REC114: variants seen among roughly 807,000 people sequenced by gnomAD.
REC114 encodes the protein meiotic recombination protein REC114.
A neutral mutation model predicts 31.3 loss-of-function variants in REC114; 27 were observed. The ratio of observed to expected loss-of-function variants is 0.86; its 90% CI spans 0.64 to 1.19. REC114 has a LOEUF of 1.19. REC114 is among the 50% of genes most tolerant of loss of function. REC114 has a pLI of 0.00. For synonymous variants in REC114, 134 were observed against 127.7 expected (o/e 1.05, Z -0.33); for missense variants, 344 against 326.9 (o/e 1.05, Z -0.40).
intron 2 of REC114, among the ~76,000 whole-genome samples, chr15:73,498,218 T>C (rs529661429): frequency 6.6e-6 from 1 of 152,178 alleles, no homozygotes; most frequent in Non-Finnish European, 1.5e-5. Flanking sequence ...CAATACTGTG[T>C]ACAGAAGTCC....
intron 1 of REC114, among the ~76,000 whole-genome samples, chr15:73,463,797 G>T (rs1253370766): frequency 6.6e-6 from 1 of 151,870 alleles, no homozygotes; most frequent in Non-Finnish European, 1.5e-5. Flanking sequence ...CTCCAGCCTG[G>T]GTGACAGGAA....
At chr15:73,541,774 A>G (rs935236197) in intron 3 of REC114, among the ~76,000 whole-genome samples, 2 of 49,688 alleles carry the variant, frequency 4.0e-5, no homozygotes, top group African/African-American at 1.3e-4. Flanking sequence ...GAATGTATAG[A>G]TCTCTGAAAA....
intron 1 of REC114, among the ~76,000 whole-genome samples, chr15:73,451,694 A>G (rs1326643888): frequency 6.6e-6 from 1 of 152,198 alleles, no homozygotes; most frequent in African/African-American, 2.4e-5. Flanking sequence ...CGAAAATTTC[A>G]GGCCAATATC....
intron 1 of REC114, among the ~76,000 whole-genome samples, chr15:73,469,806 T>C (rs1357255934): frequency 1.3e-5 from 2 of 149,126 alleles, no homozygotes; most frequent in Middle Eastern, 3.4e-3. Context: ...TGCCTCAGCC[T>C]CCCGAGTAGC....
chr15:73,515,046 C>T (rs754636834), intron 2 of REC114, among the ~76,000 whole-genome samples: 3 of 151,340 alleles, frequency 2.0e-5, no homozygotes, highest in Non-Finnish European at 2.9e-5. Context: ...CTCAAGTGAT[C>T]CTCCTGCCTC....
chr15:73,543,107 CA>C (rs1470500112), intron 3 of REC114, among the ~76,000 whole-genome samples: 1 of 152,096 alleles, frequency 6.6e-6, no homozygotes, highest in Non-Finnish European at 1.5e-5. Flanking sequence ...CAGAAATAAG[CA>C]TATTCCTTTA....
chr15:73,532,210 C>G (rs532665929), intron 2 of REC114, among the ~76,000 whole-genome samples: 241 of 151,450 alleles, frequency 1.6e-3, no homozygotes, highest in Non-Finnish European at 2.6e-3. Context: ...GTTCAGTTCC[C>G]ACCTATGAGT....
At chr15:73,472,203 A>G (rs748875192) in intron 1 of REC114, among the ~76,000 whole-genome samples, 1 of 152,368 alleles carries the variant, frequency 6.6e-6, no homozygotes, top group East Asian at 1.9e-4. Flanking sequence ...TGAAAGCTGT[A>G]CTTGACTCCT....
intron 2 of REC114, among the ~76,000 whole-genome samples, chr15:73,504,049 C>T (rs560605844): frequency 6.9e-5 from 9 of 130,662 alleles, no homozygotes; most frequent in African/African-American, 2.0e-4. Context: ...CTCTGTCACC[C>T]AGGCTGGAGC....
At chr15:73,510,451 T>C (rs1287215327) in intron 2 of REC114, among the ~76,000 whole-genome samples, 2 of 150,788 alleles carry the variant, frequency 1.3e-5, no homozygotes, top group African/African-American at 4.9e-5. Context: ...TCCTGACTAA[T>C]TGCCCTGGCC....
At chr15:73,473,779 CA>C in intron 1 of REC114, 52 bp from the exon 2 acceptor site, 1 of 985,734 alleles carries the variant, frequency 1.0e-6, no homozygotes, top group Non-Finnish European at 1.5e-6. Context: ...GTAAGTTTAT[CA>C]GTTATAGAAA....
intron 1 of REC114, among the ~76,000 whole-genome samples, chr15:73,456,930 T>C (rs1892922944): frequency 6.6e-6 from 1 of 152,182 alleles, no homozygotes; most frequent in Non-Finnish European, 1.5e-5. Flanking sequence ...ATAACAGTTT[T>C]TTAATTTGTT....
chr15:73,518,070 C>G (rs1002703938), intron 2 of REC114, among the ~76,000 whole-genome samples: 1 of 152,142 alleles, frequency 6.6e-6, no homozygotes, highest in Non-Finnish European at 1.5e-5. Context: ...TTGTTAATTG[C>G]TATGTTAAAT....
chr15:73,513,724 C>A (rs1041779975), intron 2 of REC114, among the ~76,000 whole-genome samples: 11 of 151,920 alleles, frequency 7.2e-5, no homozygotes, highest in African/African-American at 2.7e-4. Context: ...TCAGTGTGCC[C>A]CTGCTGGGGG....
intron 2 of REC114, among the ~76,000 whole-genome samples, chr15:73,537,943 C>T (rs1334490072): frequency 6.6e-6 from 1 of 152,096 alleles, no homozygotes; most frequent in Non-Finnish European, 1.5e-5. Context: ...AAAAAAGTAG[C>T]ATATGATGGA....
intron 2 of REC114, among the ~76,000 whole-genome samples, chr15:73,539,632 G>A (rs961303646): frequency 6.6e-6 from 1 of 151,796 alleles, no homozygotes; most frequent in Non-Finnish European, 1.5e-5. Flanking sequence ...TTTTTTAAGA[G>A]TTGGGGATTT....
chr15:73,522,104 G>C (rs1472051917), intron 2 of REC114, among the ~76,000 whole-genome samples: 2 of 152,090 alleles, frequency 1.3e-5, no homozygotes, highest in South Asian at 2.1e-4. Context: ...AGCAGAAAAG[G>C]CCCTTTTCAA....
intron 1 of REC114, among the ~76,000 whole-genome samples, chr15:73,469,738 G>A (rs1893107954): frequency 1.4e-5 from 2 of 146,554 alleles, no homozygotes; most frequent in African/African-American, 5.1e-5. Flanking sequence ...AGGCTGGAGT[G>A]CAGTGGCGCG....
intron 1 of REC114, among the ~76,000 whole-genome samples, chr15:73,447,738 C>G (rs1437522813): frequency 1.3e-5 from 2 of 151,694 alleles, no homozygotes; most frequent in East Asian, 1.9e-4. Context: ...ATCTGCAGCT[C>G]CCAGCAAGAT....
Sources: gnomAD v4.1 joint callset for allele counts (sites outside exome capture counted in the v4.1 genomes callset) on GRCh38, gnomAD v4.1.1 for gene constraint, MANE v1.5 for transcripts, NCBI Gene and HGNC (gene_info 2026-07-23, HGNC 2026-07-21) for gene names.